Variants in ARHGAP25 observed in about 807,000 individuals in gnomAD.
The protein encoded by ARHGAP25 is Rho GTPase activating protein 25.
A neutral mutation model predicts 71.0 loss-of-function variants in ARHGAP25; 34 were observed. The ratio of observed to expected loss-of-function variants is 0.48; its 90% CI spans 0.36 to 0.64. ARHGAP25 has a LOEUF of 0.64. Ranked by LOEUF, ARHGAP25 falls within the 30% of genes least tolerant of loss-of-function variation. The pLI is 0.00. For missense variants in ARHGAP25, 706 were observed against 805.1 expected (o/e 0.88, Z 1.49); for synonymous variants, 282 against 296.5 (o/e 0.95, Z 0.50).
intron 10 of ARHGAP25, 91 bp from the exon 11 acceptor site, chr2:68,825,896 A>G: frequency 1.8e-6 from 2 of 1,127,524 alleles, no homozygotes; most frequent in Non-Finnish European, 2.5e-6. Flanking sequence ...GTGATTTGAA[A>G]GGAAAATGAG....
upstream of ARHGAP25, among the ~76,000 whole-genome samples, chr2:68,731,522 T>C (rs1345135264): frequency 2.0e-5 from 3 of 152,220 alleles, no homozygotes; most frequent in East Asian, 5.8e-4. Context: ...TTCCCCAGGA[T>C]ACAGTCAGAA....
intron 2 of ARHGAP25, among the ~76,000 whole-genome samples, chr2:68,722,043 C>T (rs1674775511): frequency 6.6e-6 from 1 of 152,220 alleles, no homozygotes; most frequent in Non-Finnish European, 1.5e-5. Flanking sequence ...TCACCACCCT[C>T]AGCACCTCAG....
chr2:68,759,871 C>T (rs1676695831), intron 1 of ARHGAP25, among the ~76,000 whole-genome samples: 1 of 151,878 alleles, frequency 6.6e-6, no homozygotes. Flanking sequence ...GATATTAAAG[C>T]CAGACAACAT....
upstream of ARHGAP25, among the ~76,000 whole-genome samples, chr2:68,731,274 T>A (rs1675015029): frequency 6.6e-6 from 1 of 152,016 alleles, no homozygotes. Flanking sequence ...GCGTGCCCCA[T>A]CTCTGTGATT....
chr2:68,783,360 G>GA (rs886410604), intron 3 of ARHGAP25, among the ~76,000 whole-genome samples: 3 of 151,424 alleles, frequency 2.0e-5, no homozygotes, highest in Non-Finnish European at 4.4e-5. Context: ...TTATAATGCA[G>GA]AAAAAAAATC....
In ARHGAP25 at chr2:68,817,098, A is replaced by C. The variant is rs191681530; in HGVS notation, c.881+736A>C. ...TTTTATACTAAATCAAAATTATATA[A>C]AGGATTGTGTCCTTTTTTTTGGTTT... On this transcript the variant is annotated intron_variant, in intron 7 of 10. Transcript: ENST00000409202. Among the ~76,000 whole-genome samples the C allele has an allele frequency of 6.4e-5, 9 of 141,128 alleles. No individual in the cohort carries two copies. In the Admixed American group the frequency reaches 6.4e-4, roughly 10 times the overall value. 92.6% of individuals were successfully genotyped at this position (141,128 alleles called of 152,430 possible). A position where few individuals can be genotyped will look rare whatever the true frequency, so the allele number is the denominator to read the frequency against.
chr2:68,807,978 C>G, intron 5 of ARHGAP25, among the ~76,000 whole-genome samples: 1 of 152,214 alleles, frequency 6.6e-6, no homozygotes, highest in East Asian at 1.9e-4. Flanking sequence ...GTGATTCTGA[C>G]TCAGTTCTGA....
intron 3 of ARHGAP25, among the ~76,000 whole-genome samples, chr2:68,787,312 G>A (rs10194963): frequency 0.46 from 69,226 of 151,992 alleles, 16,120 homozygotes; most frequent in African/African-American, 0.52. Context: ...ACATTTGAAA[G>A]GTGTTGTGTG....
Position 68,767,330 on chromosome 2 carries a change from A to C in ARHGAP25, c.62-7891A>C, listed in dbSNP as rs4517997. ...GCGAGCCTGAAGTTTCTGAAGTCACATGTCCTAATTTCCTTCTGGGTGGAA... is the reference window on the plus strand; with the variant it reads ...GCGAGCCTGAAGTTTCTGAAGTCACCTGTCCTAATTTCCTTCTGGGTGGAA... On this transcript the variant is annotated intron_variant, in intron 1 of 10. Coordinates refer to ENST00000409202, the MANE Select transcript of ARHGAP25 (RefSeq NM_001007231.3). This position sits in a 1 kb window ranked among gnomAD's most constrained non-coding sequence, Gnocchi z 4.6. Among the ~76,000 whole-genome samples the C allele has an allele frequency of 0.084, 12,815 of 152,024 alleles. 651 individuals are homozygous for C. The highest frequency in any genetic ancestry group is 0.25 in the East Asian group (1,284 of 5,166).
At chr2:68,721,844 T>A (rs1262668348) in intron 2 of ARHGAP25, among the ~76,000 whole-genome samples, 1 of 152,228 alleles carries the variant, frequency 6.6e-6, no homozygotes, top group African/African-American at 2.4e-5. Context: ...GATCCCTTGC[T>A]CTTCTCTAGG....
chr2:68,717,636 C>G (rs1159725679), intron 2 of ARHGAP25, among the ~76,000 whole-genome samples: 1 of 152,190 alleles, frequency 6.6e-6, no homozygotes, highest in Non-Finnish European at 1.5e-5. Context: ...ACAGCAGTCA[C>G]TCGGCCTTTC....
chr2:68,756,164 A>T (rs1357225528), intron 1 of ARHGAP25, among the ~76,000 whole-genome samples: 1 of 152,216 alleles, frequency 6.6e-6, no homozygotes, highest in East Asian at 1.9e-4. Context: ...TTCAGCTCTT[A>T]ACACAATAGT....
intron 10 of ARHGAP25, 128 bp from the exon 11 acceptor site, chr2:68,825,859 A>G (rs2311421): frequency 0.46 from 336,405 of 725,248 alleles, 82,043 homozygotes; most frequent in East Asian, 0.86. Context: ...GAAGAGGGAC[A>G]TAGCTGAGAG....
At chr2:68,752,868 T>C (rs1206192955) in intron 1 of ARHGAP25, among the ~76,000 whole-genome samples, 1 of 152,014 alleles carries the variant, frequency 6.6e-6, no homozygotes, top group Non-Finnish European at 1.5e-5. Context: ...ATAGTATATA[T>C]ACAAAGAGAG....
chr2:68,725,794 C>T (rs1484740670), intron 2 of ARHGAP25, among the ~76,000 whole-genome samples: 1 of 152,176 alleles, frequency 6.6e-6, no homozygotes, highest in African/African-American at 2.4e-5. Context: ...TTGCTGTGAA[C>T]ACAAGACCTC....
chr2:68,748,842 ATG>A (rs1675991939), intron 1 of ARHGAP25, among the ~76,000 whole-genome samples: 1 of 152,196 alleles, frequency 6.6e-6, no homozygotes, highest in Non-Finnish European at 1.5e-5. Flanking sequence ...TACAAGGGGT[ATG>A]TCTTGCTCCT....
chr2:68,779,802 C>T lies in ARHGAP25; in HGVS notation c.262-2431C>T, dbSNP rs569905866. On this transcript the variant is annotated intron_variant, in intron 2 of 10. Transcript: ENST00000409202. ...TCCCTTCCTGGAACAATTCTTCCTT[C>T]CCTATCAGTGTCCCCACCCTCACCC... Among the ~76,000 whole-genome samples, 37 of 152,324 alleles carry T rather than the reference C, an allele frequency of 2.4e-4. No individual in the cohort carries two copies. In the South Asian group the frequency reaches 7.3e-3, roughly 30 times the overall value.
intron 4 of ARHGAP25, among the ~76,000 whole-genome samples, chr2:68,789,330 G>C (rs925369130): frequency 3.3e-5 from 5 of 152,156 alleles, no homozygotes; most frequent in African/African-American, 7.2e-5. Context: ...GAGCCACCGT[G>C]CCCGGCCTGG....
At chr2:68,778,359 GA>G (rs1211035294) in intron 2 of ARHGAP25, among the ~76,000 whole-genome samples, 6 of 148,948 alleles carry the variant, frequency 4.0e-5, no homozygotes, top group Non-Finnish European at 6.0e-5. Flanking sequence ...TCCCATTCTT[GA>G]AAAAAAAAGC....
Sources: allele counts gnomAD v4.1 joint callset (sites outside exome capture counted in the v4.1 genomes callset), GRCh38; gene constraint gnomAD v4.1.1; non-coding constraint Gnocchi (gnomAD v3.1); transcripts MANE v1.5; gene names NCBI Gene and HGNC (gene_info 2026-07-23, HGNC 2026-07-21).